Variants in ATE1 observed in about 807,000 individuals in gnomAD.
The protein encoded by ATE1 is arginyl-tRNA--protein transferase 1.
ATE1 carries 36 observed loss-of-function variants against 70.5 expected under a neutral mutation model. The observed-to-expected ratio is 0.51, with a 90% CI of 0.39 to 0.67. The LOEUF (loss-of-function observed/expected upper bound fraction) is 0.67, where lower values mean the gene tolerates loss of function less well. Ranked by LOEUF, ATE1 falls within the 30% of genes least tolerant of loss-of-function variation. The probability of loss-of-function intolerance (pLI) is 0.00; values close to 1 mark genes in which losing one functional copy is unlikely to be tolerated. For synonymous variants in ATE1, 232 were observed against 219.3 expected, an observed-to-expected ratio of 1.06 and a Z score of -0.51; for missense variants, 593 against 629.5, an observed-to-expected ratio of 0.94 and a Z score of 0.62.
intron 10 of ATE1, among the ~76,000 whole-genome samples, chr10:121,823,899 T>C (rs760065943): frequency 7.2e-5 from 11 of 152,224 alleles, no homozygotes; most frequent in Non-Finnish European, 1.5e-4. Flanking sequence ...TGAATTTCAA[T>C]TCTTAAGTTC....
intron 5 of ATE1, among the ~76,000 whole-genome samples, chr10:121,904,850 T>C (rs1265398454): frequency 2.0e-5 from 3 of 152,104 alleles, no homozygotes; most frequent in African/African-American, 7.2e-5. Context: ...CACAAACAGT[T>C]CAGACTGTAT....
intron 10 of ATE1, among the ~76,000 whole-genome samples, chr10:121,793,634 C>A (rs1442973365): frequency 6.6e-6 from 1 of 152,060 alleles, no homozygotes; most frequent in East Asian, 1.9e-4. Context: ...TTGCATTTTT[C>A]TTTTTCATAA....
intron 3 of ATE1, among the ~76,000 whole-genome samples, chr10:121,917,100 T>C (rs1282607239): frequency 4.0e-5 from 6 of 151,328 alleles, no homozygotes; most frequent in Non-Finnish European, 7.4e-5. Flanking sequence ...AGGGTGGAGG[T>C]TGCAGTGAAC....
chr10:121,902,808 T>G (rs891000299), intron 5 of ATE1, among the ~76,000 whole-genome samples, 188 bp from the exon 6 acceptor site: 3 of 151,968 alleles, frequency 2.0e-5, no homozygotes, highest in African/African-American at 7.3e-5. Flanking sequence ...GAAGTGGGAG[T>G]TGCTAGAGAA....
At chr10:121,809,739 GAA>G (rs1389460939) in intron 10 of ATE1, among the ~76,000 whole-genome samples, 1 of 151,726 alleles carries the variant, frequency 6.6e-6, no homozygotes, top group African/African-American at 2.4e-5. Context: ...TACACATCAA[GAA>G]AAAAAGTTAT....
At chr10:121,766,991 C>G (rs903359574) in intron 11 of ATE1, among the ~76,000 whole-genome samples, 1 of 152,128 alleles carries the variant, frequency 6.6e-6, no homozygotes, top group Non-Finnish European at 1.5e-5. Context: ...GAACCAAAAA[C>G]CAGTATCCCC....
chr10:121,905,423 T>C (rs1387704452), intron 5 of ATE1, among the ~76,000 whole-genome samples: 2 of 152,178 alleles, frequency 1.3e-5, no homozygotes, highest in Non-Finnish European at 2.9e-5. Flanking sequence ...AACACACATT[T>C]TCAGCATTTT....
intron 10 of ATE1, among the ~76,000 whole-genome samples, chr10:121,816,381 G>A (rs969077203): frequency 6.6e-6 from 1 of 152,148 alleles, no homozygotes. Context: ...GTGGTATTAA[G>A]AGGTGTGGCC....
At chr10:121,785,714 A>G (rs549517914) in intron 11 of ATE1, among the ~76,000 whole-genome samples, 1 of 152,190 alleles carries the variant, frequency 6.6e-6, no homozygotes, top group African/African-American at 2.4e-5. Context: ...ATTTTTAGCA[A>G]CTGCTGGGAA....
chr10:121,795,384 C>G (rs1403583383), intron 10 of ATE1, among the ~76,000 whole-genome samples: 1 of 152,136 alleles, frequency 6.6e-6, no homozygotes, highest in Non-Finnish European at 1.5e-5. Flanking sequence ...AATTCACAAC[C>G]TACTGGGAGT....
intron 7 of ATE1, among the ~76,000 whole-genome samples, chr10:121,879,910 T>C (rs996931767): frequency 6.6e-6 from 1 of 152,170 alleles, no homozygotes. Flanking sequence ...CCAAGAAATA[T>C]GGAGGACAAA....
chr10:121,908,229 T>A (rs1434674822), intron 5 of ATE1, among the ~76,000 whole-genome samples: 2 of 152,028 alleles, frequency 1.3e-5, no homozygotes, highest in Non-Finnish European at 1.5e-5. Context: ...ACCAGCCGGG[T>A]GCAGTGGCTC....
chr10:121,904,056 T>C (rs1951090141), intron 5 of ATE1, among the ~76,000 whole-genome samples: 3 of 151,300 alleles, frequency 2.0e-5, no homozygotes, highest in Admixed American at 2.0e-4. Context: ...CTGAGCTCAC[T>C]GCAACCTCTG....
chr10:121,772,030 G>A (rs903912815), intron 11 of ATE1, among the ~76,000 whole-genome samples: 1 of 152,098 alleles, frequency 6.6e-6, no homozygotes, highest in East Asian at 1.9e-4. Context: ...CATTTTATAA[G>A]TGGACAGCCT....
intron 9 of ATE1, among the ~76,000 whole-genome samples, chr10:121,838,470 G>C (rs1011284596): frequency 6.6e-6 from 1 of 152,124 alleles, no homozygotes. Flanking sequence ...GAGGCACTTA[G>C]ATTTGCTAAC....
Position 121,870,032 on chromosome 10 carries a change from T to G in ATE1, c.949A>C (p.Arg317=). The change falls in exon 8 of 12, where the codon AGA becomes CGA. Residue 317 remains arginine (R), a synonymous_variant. Coordinates refer to ENST00000224652, the MANE Select transcript of ATE1 (RefSeq NM_001001976.3). ...TCCAAGGGTGAACTGCAAAGGAATC[T>G]TGTGAACTGCAGTCAAATTTGAACA... ...PDTPTESQFT[R]FLCSSPLEAE... is the part of the protein sequence containing the mutation. 1 of 1,610,700 alleles carries G rather than the reference T, an allele frequency of 6.2e-7. No homozygotes were observed. The highest frequency in any genetic ancestry group is 1.1e-5 in the South Asian group (1 of 90,610).
At chr10:121,827,645 T>C (rs1287476401) in intron 10 of ATE1, among the ~76,000 whole-genome samples, 1 of 152,256 alleles carries the variant, frequency 6.6e-6, no homozygotes, top group Non-Finnish European at 1.5e-5. Context: ...ATAGCTCATG[T>C]GAGCAATGAC....
At chr10:121,800,266 A>G (rs1946824429) in intron 10 of ATE1, among the ~76,000 whole-genome samples, 1 of 152,228 alleles carries the variant, frequency 6.6e-6, no homozygotes, top group African/African-American at 2.4e-5. Flanking sequence ...GACAAAAAAA[A>G]TCAGAAAAGA....
At chr10:121,827,816 A>G (rs1207064562) in intron 10 of ATE1, among the ~76,000 whole-genome samples, 2 of 152,264 alleles carry the variant, frequency 1.3e-5, no homozygotes, top group East Asian at 3.8e-4. Context: ...TATGCAATGT[A>G]AATCAGTCTT....
Sources: allele counts gnomAD v4.1 joint callset (sites outside exome capture counted in the v4.1 genomes callset), GRCh38; gene constraint gnomAD v4.1.1; transcripts MANE v1.5; gene names NCBI Gene and HGNC (gene_info 2026-07-23, HGNC 2026-07-21).